Variants in DAB1 observed in about 807,000 individuals in gnomAD.
DAB1 encodes disabled homolog 1.
In DAB1, 15 loss-of-function variants were observed where a neutral mutation model predicts 64.6. That is an observed-to-expected ratio of 0.23 (90% confidence interval 0.16 to 0.36). DAB1 has a LOEUF of 0.36. Among genes scored for constraint, DAB1 ranks in the 10% least tolerant of loss-of-function variants. DAB1 has a pLI of 1.00. For missense variants in DAB1, 596 were observed against 706.7 expected, an observed-to-expected ratio of 0.84 and a Z score of 1.78; for synonymous variants, 235 against 251.9, an observed-to-expected ratio of 0.93 and a Z score of 0.64.
At chr1:57,650,558 C>A (rs1281846356) in intron 6 of DAB1, among the ~76,000 whole-genome samples, 1 of 152,006 alleles carries the variant, frequency 6.6e-6, no homozygotes, top group Non-Finnish European at 1.5e-5. Context: ...TTTTGTATAA[C>A]AAAATTGTTG....
At chr1:57,738,052 G>A (rs1215963913) in intron 6 of DAB1, among the ~76,000 whole-genome samples, 2 of 152,156 alleles carry the variant, frequency 1.3e-5, no homozygotes, top group African/African-American at 4.8e-5. Context: ...CTTGCCTTGG[G>A]AAGAGACACA....
intron 4 of DAB1, among the ~76,000 whole-genome samples, chr1:57,127,987 A>C (rs1657291552): frequency 6.6e-6 from 1 of 151,916 alleles, no homozygotes; most frequent in African/African-American, 2.4e-5. Flanking sequence ...ATCTCTACTA[A>C]AAATACAAAA....
chr1:57,670,075 C>A (rs967829253), intron 6 of DAB1, among the ~76,000 whole-genome samples: 2 of 152,156 alleles, frequency 1.3e-5, no homozygotes, highest in African/African-American at 4.8e-5. Context: ...CACAGTTCAG[C>A]TCCACTGAAA....
chr1:58,092,174 A>G (rs1341067488), intron 5 of DAB1, among the ~76,000 whole-genome samples: 1 of 151,906 alleles, frequency 6.6e-6, no homozygotes, highest in Admixed American at 6.6e-5. Context: ...GTCTCTACTA[A>G]AAATACAAAA....
At chr1:57,263,733 G>T (rs1218520604) in intron 2 of DAB1, among the ~76,000 whole-genome samples, 1 of 152,200 alleles carries the variant, frequency 6.6e-6, no homozygotes, top group Non-Finnish European at 1.5e-5. Flanking sequence ...ATAGAGGCTA[G>T]ACTGGATGTC....
chr1:57,475,738 C>T (rs535422556), intron 7 of DAB1, among the ~76,000 whole-genome samples: 7 of 152,318 alleles, frequency 4.6e-5, no homozygotes, highest in Admixed American at 1.3e-4. Flanking sequence ...ATGTTACCGG[C>T]CAACGCCATC....
chr1:57,093,669 G>A (rs555169971), intron 4 of DAB1, among the ~76,000 whole-genome samples: 1 of 152,292 alleles, frequency 6.6e-6, no homozygotes, highest in Non-Finnish European at 1.5e-5. Context: ...ATAACCATAT[G>A]ACTGTGGGCA....
At chr1:58,176,660 C>G (rs558344841) in intron 4 of DAB1, among the ~76,000 whole-genome samples, 109 of 152,258 alleles carry the variant, frequency 7.2e-4, no homozygotes, top group Non-Finnish European at 1.4e-3. Flanking sequence ...GAGGGCAGAA[C>G]TCTCATGGGC....
At position 57,626,978 on chromosome 1, in the gene DAB1, G is replaced by A. The variant is rs943122304; in HGVS notation, n.625+22614C>T. Among the ~76,000 whole-genome samples, 3 of 152,164 alleles carry A rather than the reference G, an allele frequency of 2.0e-5. No individual in the cohort carries two copies. The East Asian group carries it at 5.8e-4, about 29-fold the overall frequency. Reference sequence around the variant, plus strand: ...TCATGAGTCAACTTGACTGGCCACAGGGAGCACAGACTACTACTTCTGGGG... The same window carrying A: ...TCATGAGTCAACTTGACTGGCCACAAGGAGCACAGACTACTACTTCTGGGG... On this transcript the variant is annotated intron_variant and non_coding_transcript_variant, in intron 7 of 20. Coordinates refer to the DAB1 transcript ENST00000485760.
chr1:58,053,204 T>A (rs1270511302), intron 5 of DAB1, among the ~76,000 whole-genome samples: 1 of 152,198 alleles, frequency 6.6e-6, no homozygotes, highest in South Asian at 2.1e-4. Flanking sequence ...ACCCCACTCT[T>A]GGTACCAGTT....
chr1:57,067,000 A>G (rs1005895929), intron 8 of DAB1, among the ~76,000 whole-genome samples: 5 of 139,316 alleles, frequency 3.6e-5, no homozygotes, highest in African/African-American at 1.3e-4. Context: ...GCTATGGAAC[A>G]CTTACAAGCC....
intron 2 of DAB1, among the ~76,000 whole-genome samples, chr1:57,162,485 G>C (rs1012428479): frequency 1.3e-5 from 2 of 152,196 alleles, no homozygotes; most frequent in Admixed American, 6.5e-5. Context: ...GCATTTGAAG[G>C]CTTGCTCTTG....
intron 1 of DAB1, among the ~76,000 whole-genome samples, chr1:57,346,158 A>ATGTC (rs375110074): frequency 4.9e-4 from 74 of 152,338 alleles, no homozygotes; most frequent in African/African-American, 1.8e-3. Context: ...GGGCTGAGCA[A>ATGTC]TGAATCTCAG....
chr1:58,483,083 C>T (rs909353838), intron 3 of DAB1, among the ~76,000 whole-genome samples: 3 of 152,188 alleles, frequency 2.0e-5, no homozygotes, highest in African/African-American at 7.2e-5. Context: ...AGTCCAGGTA[C>T]AAAACTAGAA....
At chr1:57,927,460 A>G (rs1644895073) in intron 5 of DAB1, among the ~76,000 whole-genome samples, 1 of 152,108 alleles carries the variant, frequency 6.6e-6, no homozygotes, top group South Asian at 2.1e-4. Flanking sequence ...GCAGTGAGCC[A>G]TGATCGCACC....
chr1:57,805,243 A>G (rs1045019626), intron 6 of DAB1, among the ~76,000 whole-genome samples: 1 of 152,206 alleles, frequency 6.6e-6, no homozygotes, highest in Non-Finnish European at 1.5e-5. Context: ...AGAGGCATGG[A>G]CTTTCCTTAA....
chr1:57,856,098 T>G (rs573695985), intron 1 of DAB1, among the ~76,000 whole-genome samples: 1 of 152,176 alleles, frequency 6.6e-6, no homozygotes, highest in Admixed American at 6.5e-5. Context: ...CTGGGACTTA[T>G]CAGCAGAGAG....
chr1:57,934,104 T>TGTGTGTGTGTGTGTGTGTGTGTG (rs1557563966), intron 5 of DAB1, among the ~76,000 whole-genome samples: 2 of 149,630 alleles, frequency 1.3e-5, no homozygotes, highest in African/African-American at 5.0e-5. Flanking sequence ...TGTGTGTGTG[T>TGTGTGTGTGTGTGTGTGTGTGTG]TTAGTAGAGA....
intron 2 of DAB1, among the ~76,000 whole-genome samples, chr1:57,166,902 G>C (rs1188357068): frequency 6.6e-6 from 1 of 152,130 alleles, no homozygotes; most frequent in East Asian, 1.9e-4. Context: ...TTTCAAATGT[G>C]CCTGTCTGAC....
Sources: gnomAD v4.1 joint callset for allele counts (sites outside exome capture counted in the v4.1 genomes callset) on GRCh38, gnomAD v4.1.1 for gene constraint, MANE v1.5 for transcripts, NCBI Gene and HGNC (gene_info 2026-07-23, HGNC 2026-07-21) for gene names.